Variants in PHACTR1 observed in about 807,000 individuals in gnomAD.
PHACTR1 encodes phosphatase and actin regulator 1.
In PHACTR1, 16 loss-of-function variants were observed where a neutral mutation model predicts 69.2. The ratio of observed to expected loss-of-function variants is 0.23; its 90% CI spans 0.16 to 0.35. The LOEUF is 0.35. Among genes scored for constraint, PHACTR1 ranks in the 10% least tolerant of loss-of-function variants. PHACTR1 has a pLI of 1.00. For missense variants in PHACTR1, 510 were observed against 734.7 expected, an observed-to-expected ratio of 0.69 and a Z score of 3.54; for synonymous variants, 312 against 284.5, an observed-to-expected ratio of 1.10 and a Z score of -0.97.
At chr6:12,890,396 A>C (rs1784061525) in intron 4 of PHACTR1, among the ~76,000 whole-genome samples, 2 of 152,064 alleles carry the variant, frequency 1.3e-5, no homozygotes, top group Non-Finnish European at 2.9e-5. Flanking sequence ...TTTCAGTTGC[A>C]AGGCGGACTA....
chr6:12,811,538 G>A (rs189503154), intron 4 of PHACTR1, among the ~76,000 whole-genome samples: 2 of 152,270 alleles, frequency 1.3e-5, no homozygotes, highest in South Asian at 2.1e-4. Context: ...ATTAGTGTAC[G>A]TGATGTATTT....
chr6:13,144,505 G>GT lies in PHACTR1; in HGVS notation c.416-15698dup, dbSNP rs577031749. ...TTCATGGACTAGAAGACTCAATATT[G>GT]TAAAGATGCCAGTCCTCCCTAAATT... On this transcript the variant is annotated intron_variant, in intron 5 of 14. Transcript: ENST00000332995. Among the ~76,000 whole-genome samples the GT allele has an allele frequency of 1.2e-4, 18 of 152,266 alleles. No individual in the cohort carries two copies. In the East Asian group the frequency reaches 3.3e-3, roughly 28 times the overall value.
At chr6:12,997,729 C>A (rs1392915689) in intron 4 of PHACTR1, among the ~76,000 whole-genome samples, 2 of 151,852 alleles carry the variant, frequency 1.3e-5, no homozygotes, top group Non-Finnish European at 2.9e-5. Context: ...CCGAGGTGGG[C>A]GGATCACAAG....
At chr6:13,028,856 G>C (rs1375040513) in intron 4 of PHACTR1, among the ~76,000 whole-genome samples, 1 of 152,202 alleles carries the variant, frequency 6.6e-6, no homozygotes, top group African/African-American at 2.4e-5. Context: ...CAAGAGTTCA[G>C]TGTGGACTAG....
intron 6 of PHACTR1, among the ~76,000 whole-genome samples, chr6:13,162,939 G>C (rs1759256105): frequency 6.6e-6 from 1 of 152,070 alleles, no homozygotes; most frequent in African/African-American, 2.4e-5. Flanking sequence ...GCTGACACAG[G>C]ACCTGCACTC....
chr6:12,968,851 C>T (rs1432655246), intron 4 of PHACTR1, among the ~76,000 whole-genome samples: 1 of 152,076 alleles, frequency 6.6e-6, no homozygotes, highest in Non-Finnish European at 1.5e-5. Flanking sequence ...TTTTGATGAT[C>T]TGATAGTAAA....
At chr6:12,817,377 G>A (rs1775706795) in intron 4 of PHACTR1, among the ~76,000 whole-genome samples, 1 of 152,148 alleles carries the variant, frequency 6.6e-6, no homozygotes, top group Non-Finnish European at 1.5e-5. Flanking sequence ...AAACATATTT[G>A]TAGCAATAAT....
intron 3 of PHACTR1, among the ~76,000 whole-genome samples, chr6:12,745,124 G>A (rs1302024493): frequency 6.6e-6 from 1 of 151,884 alleles, no homozygotes; most frequent in African/African-American, 2.4e-5. Flanking sequence ...ATTTTTAAAG[G>A]GTAAGGTTTA....
chr6:13,111,292 A>G (rs1816999005), intron 5 of PHACTR1, among the ~76,000 whole-genome samples: 1 of 152,078 alleles, frequency 6.6e-6, no homozygotes, highest in Admixed American at 6.6e-5. Context: ...ATTTTTTTTA[A>G]ATTTCCAATT....
chr6:13,041,733 T>A (rs761695949), intron 4 of PHACTR1, among the ~76,000 whole-genome samples: 6 of 152,094 alleles, frequency 3.9e-5, no homozygotes, highest in Non-Finnish European at 8.8e-5. Context: ...CTTGACAGTA[T>A]TAATGGAGGG....
At chr6:12,930,984 CA>C (rs1324734842) in intron 4 of PHACTR1, among the ~76,000 whole-genome samples, 2 of 68,962 alleles carry the variant, frequency 2.9e-5, no homozygotes, top group Non-Finnish European at 5.5e-5. Flanking sequence ...CCTGGGGAAA[CA>C]AGAGCAAAAC....
At chr6:12,926,132 C>T (rs558926427) in intron 4 of PHACTR1, among the ~76,000 whole-genome samples, 67 of 152,306 alleles carry the variant, frequency 4.4e-4, no homozygotes, top group African/African-American at 1.4e-3. Flanking sequence ...TCTCAGACCC[C>T]TTACTACTAG....
intron 4 of PHACTR1, among the ~76,000 whole-genome samples, chr6:12,899,396 T>C (rs375748919): frequency 6.6e-6 from 1 of 152,228 alleles, no homozygotes; most frequent in Non-Finnish European, 1.5e-5. Flanking sequence ...GCCTTTTACC[T>C]GTTAATGTAA....
chr6:12,809,975 A>G (rs955613998), intron 4 of PHACTR1, among the ~76,000 whole-genome samples: 16 of 152,206 alleles, frequency 1.1e-4, no homozygotes, highest in African/African-American at 3.9e-4. Context: ...CTAGGACTCT[A>G]ATACTAGGAG....
chr6:12,922,724 T>A (rs1787856007), intron 4 of PHACTR1, among the ~76,000 whole-genome samples: 1 of 152,190 alleles, frequency 6.6e-6, no homozygotes, highest in African/African-American at 2.4e-5. Context: ...TGGAAGTAAA[T>A]ACCTTCTAAG....
intron 3 of PHACTR1, among the ~76,000 whole-genome samples, chr6:12,721,965 A>C (rs1345828008): frequency 1.3e-5 from 2 of 152,222 alleles, no homozygotes; most frequent in Non-Finnish European, 2.9e-5. Flanking sequence ...GCTGGCGGCC[A>C]GCTCTTGAGA....
At chr6:12,894,822 A>G (rs1413645543) in intron 4 of PHACTR1, among the ~76,000 whole-genome samples, 2 of 152,196 alleles carry the variant, frequency 1.3e-5, no homozygotes, top group Non-Finnish European at 2.9e-5. Flanking sequence ...AATATCCAAA[A>G]AAGCAAAAAT....
intron 3 of PHACTR1, among the ~76,000 whole-genome samples, chr6:12,720,772 CA>C (rs1762016306): frequency 3.9e-5 from 6 of 152,174 alleles, no homozygotes; most frequent in Admixed American, 3.9e-4. Context: ...GCATTTTAAG[CA>C]AGAGCTCCAG....
Position 12,859,916 on chromosome 6 carries a change from G to A in PHACTR1, c.250+110126G>A, listed in dbSNP as rs369864908. Among the ~76,000 whole-genome samples, 29 of 152,104 alleles carry A rather than the reference G, an allele frequency of 1.9e-4. 1 individual carries two copies. The East Asian group carries it at 2.3e-3, about 12-fold the overall frequency. On this transcript the variant is annotated intron_variant, in intron 4 of 14. Coordinates refer to ENST00000332995, the MANE Select transcript of PHACTR1 (RefSeq NM_030948.6). ...CTGCAGAAGGTTTTTAGAGCTAGGC[G>A]GCACCAACCCCACTAAGGTACCATT...
Sources: allele counts gnomAD v4.1 joint callset (sites outside exome capture counted in the v4.1 genomes callset), GRCh38; gene constraint gnomAD v4.1.1; transcripts MANE v1.5; gene names NCBI Gene and HGNC (gene_info 2026-07-23, HGNC 2026-07-21).